NRG1: variants seen among roughly 807,000 people sequenced by gnomAD.
NRG1 encodes the protein neuregulin 1.
A neutral mutation model predicts 63.8 loss-of-function variants in NRG1; 18 were observed. The ratio of observed to expected loss-of-function variants is 0.28; its 90% CI spans 0.19 to 0.42. The LOEUF (loss-of-function observed/expected upper bound fraction) is 0.42. Ranked by LOEUF, NRG1 falls within the 10% of genes least tolerant of loss-of-function variation. NRG1 has a pLI of 1.00. For missense variants in NRG1, 762 were observed against 814.7 expected (o/e 0.94, Z 0.79); for synonymous variants, 302 against 301.3 (o/e 1.00, Z -0.02).
intron 1 of NRG1, among the ~76,000 whole-genome samples, chr8:32,443,295 C>G (rs1306979921): frequency 6.6e-6 from 1 of 152,188 alleles, no homozygotes; most frequent in African/African-American, 2.4e-5. Context: ...TCTTTTGCCT[C>G]TTCATAAACC....
chr8:32,471,465 C>T (rs1340852286), intron 1 of NRG1, among the ~76,000 whole-genome samples: 2 of 152,138 alleles, frequency 1.3e-5, no homozygotes, highest in Middle Eastern at 3.4e-3. Context: ...CTAGATCAAT[C>T]GCCATCAATC....
intron 1 of NRG1, among the ~76,000 whole-genome samples, chr8:32,220,435 G>T (rs1244015858): frequency 1.3e-5 from 2 of 152,096 alleles, no homozygotes; most frequent in East Asian, 1.9e-4. Flanking sequence ...CGGAGCAGGG[G>T]CTCGGGGTGG....
At chr8:31,843,186 C>T (rs922366852) in intron 1 of NRG1, among the ~76,000 whole-genome samples, 4 of 151,858 alleles carry the variant, frequency 2.6e-5, no homozygotes, top group South Asian at 4.2e-4. Context: ...CATTAATTTT[C>T]ATATACGAGA....
At chr8:32,468,722 G>GTTT (rs151112582) in intron 1 of NRG1, among the ~76,000 whole-genome samples, 16 of 143,896 alleles carry the variant, frequency 1.1e-4, no homozygotes, top group Admixed American at 2.1e-4. Context: ...TAACATTACA[G>GTTT]TTTTTTTTTT....
chr8:32,669,474 G>A (rs567187834), intron 5 of NRG1, among the ~76,000 whole-genome samples: 11 of 152,222 alleles, frequency 7.2e-5, no homozygotes, highest in South Asian at 4.2e-4. Context: ...CAAGAGTGCC[G>A]AAAGCTACAT....
intron 1 of NRG1, among the ~76,000 whole-genome samples, chr8:32,196,116 T>TGA (rs1415660034): frequency 1.6e-5 from 2 of 121,980 alleles, no homozygotes; most frequent in African/African-American, 3.3e-5. Flanking sequence ...GTAAAAACAA[T>TGA]GAGTGTGTGT....
rs553000924 is a variant in NRG1, at chr8:31,777,300, C to T, written c.37+137869C>T. Among the ~76,000 whole-genome samples, 91 of 152,340 alleles carry T rather than the reference C, an allele frequency of 6.0e-4. 1 individual carries two copies. The highest frequency in any genetic ancestry group is 2.5e-3 in the South Asian group (12 of 4,828). On this transcript the variant is annotated intron_variant, in intron 1 of 10. Transcript: ENST00000519301. The stretch of plus-strand genomic sequence containing the variant: ...GCCAGGTAGTCTGCCAAGAACTTTT[C>T]ATCTATTAATTTGTTTAGTCTTTAC...
At chr8:31,793,985 C>G (rs1024547632) in intron 1 of NRG1, among the ~76,000 whole-genome samples, 3 of 151,738 alleles carry the variant, frequency 2.0e-5, no homozygotes, top group Non-Finnish European at 4.4e-5. Context: ...AATCTCTTCT[C>G]TTAACTTTAT....
chr8:32,153,979 G>C (rs992071471), intron 1 of NRG1, among the ~76,000 whole-genome samples: 32 of 152,286 alleles, frequency 2.1e-4, no homozygotes, highest in African/African-American at 7.5e-4. Context: ...CCAGGTGCTG[G>C]GAACAAGTCC....
At chr8:32,111,091 A>C (rs757949341) in intron 1 of NRG1, among the ~76,000 whole-genome samples, 1 of 152,098 alleles carries the variant, frequency 6.6e-6, no homozygotes. Flanking sequence ...TCCCTAAGGT[A>C]TCATTTTGCT....
chr8:32,582,823 A>G (rs926803866), intron 1 of NRG1, among the ~76,000 whole-genome samples: 13 of 152,190 alleles, frequency 8.5e-5, no homozygotes, highest in African/African-American at 2.7e-4. Context: ...TTCAAAGACT[A>G]TGTATTTCAT....
chr8:32,109,795 T>G (rs914776128), intron 1 of NRG1, among the ~76,000 whole-genome samples: 18 of 152,192 alleles, frequency 1.2e-4, no homozygotes, highest in Middle Eastern at 3.2e-3. Context: ...ATGACCTTTT[T>G]TAAAGAATCA....
chr8:32,523,661 C>T (rs77752517), intron 1 of NRG1, among the ~76,000 whole-genome samples: 15,543 of 150,700 alleles, frequency 0.1, 1,169 homozygotes, highest in Admixed American at 0.24. Context: ...ACCAGCCTGA[C>T]CAACATGGTG....
At chr8:31,939,813 A>C (rs1165490933) in intron 1 of NRG1, among the ~76,000 whole-genome samples, 1 of 152,214 alleles carries the variant, frequency 6.6e-6, no homozygotes, top group Non-Finnish European at 1.5e-5. Flanking sequence ...CAGTTTAAAA[A>C]GACAAATATG....
intron 1 of NRG1, among the ~76,000 whole-genome samples, chr8:31,958,733 A>C (rs1366674847): frequency 5.9e-5 from 9 of 152,224 alleles, no homozygotes; most frequent in Admixed American, 5.9e-4. Flanking sequence ...AACTGATACA[A>C]AAGTTGGGAG....
intron 1 of NRG1, among the ~76,000 whole-genome samples, chr8:31,794,220 G>A (rs1385235686): frequency 1.3e-5 from 2 of 152,110 alleles, no homozygotes; most frequent in Non-Finnish European, 2.9e-5. Context: ...TTTGCTGACA[G>A]AAACAGCAGC....
chr8:32,736,724 C>CT (rs1338956697), intron 6 of NRG1, among the ~76,000 whole-genome samples: 1 of 151,188 alleles, frequency 6.6e-6, no homozygotes, highest in African/African-American at 2.4e-5. Context: ...TTTTCTTCCT[C>CT]TTGTTCCTGA....
intron 1 of NRG1, among the ~76,000 whole-genome samples, chr8:31,973,802 A>G (rs1807697963): frequency 6.6e-6 from 1 of 152,206 alleles, no homozygotes; most frequent in Non-Finnish European, 1.5e-5. Flanking sequence ...ATTGTCTTTA[A>G]TGAACCAAAT....
chr8:32,772,933 G>C (rs150675794), downstream of NRG1, among the ~76,000 whole-genome samples: 1,514 of 152,180 alleles, frequency 9.9e-3, 19 homozygotes, highest in African/African-American at 0.035. Flanking sequence ...CCCCCACAAA[G>C]ATTCCATTCT....
Sources: gnomAD v4.1 joint callset for allele counts (sites outside exome capture counted in the v4.1 genomes callset) on GRCh38, gnomAD v4.1.1 for gene constraint, MANE v1.5 for transcripts, NCBI Gene and HGNC (gene_info 2026-07-23, HGNC 2026-07-21) for gene names.